CUL1: variants seen among roughly 807,000 people sequenced by gnomAD.
CUL1 encodes cullin-1.
In CUL1, 24 loss-of-function variants were observed where a neutral mutation model predicts 118.0. The observed-to-expected ratio is 0.20, with a 90% CI of 0.15 to 0.29. CUL1 has a LOEUF of 0.29. CUL1 is among the 10% of genes least tolerant of loss of function. CUL1 has a pLI of 1.00. For synonymous variants in CUL1, 332 were observed against 340.4 expected, an observed-to-expected ratio of 0.98 and a Z score of 0.27; for missense variants, 361 against 933.8, an observed-to-expected ratio of 0.39 and a Z score of 7.99.
chr7:148,794,511 G>A (rs1010360983), intron 17 of CUL1, among the ~76,000 whole-genome samples: 7 of 152,080 alleles, frequency 4.6e-5, no homozygotes, highest in South Asian at 2.1e-4. Flanking sequence ...CCCTAACTTC[G>A]TTTTATTTTC....
At chr7:148,781,168 A>G (rs922644930) in intron 9 of CUL1, among the ~76,000 whole-genome samples, 1 of 136,080 alleles carries the variant, frequency 7.3e-6, no homozygotes, top group South Asian at 2.3e-4. Flanking sequence ...TGCATCCTCC[A>G]TCTCCCGGTT....
intron 1 of CUL1, among the ~76,000 whole-genome samples, chr7:148,725,197 G>GCACACACACACA (rs1563150959): frequency 7.2e-6 from 1 of 137,986 alleles, no homozygotes; most frequent in African/African-American, 3.1e-5. Flanking sequence ...ATGCGCGCGT[G>GCACACACACACA]TACACACACA....
chr7:148,744,179 C>T (rs559650505), intron 2 of CUL1, among the ~76,000 whole-genome samples: 3 of 152,184 alleles, frequency 2.0e-5, no homozygotes, highest in East Asian at 1.9e-4. Context: ...ACATATAGAG[C>T]GGTCTTGCTG....
chr7:148,777,162 G>A (rs139949080), intron 9 of CUL1, among the ~76,000 whole-genome samples: 176 of 152,266 alleles, frequency 1.2e-3, no homozygotes, highest in Non-Finnish European at 1.7e-3. Context: ...ACCAGGGGGC[G>A]TAACCAAGGC....
chr7:148,792,865 G>T (rs772246626), intron 17 of CUL1, 47 bp downstream of exon 17: 26 of 1,355,608 alleles, frequency 1.9e-5, no homozygotes, highest in Non-Finnish European at 2.5e-5. Flanking sequence ...CCGTTTCCTT[G>T]TTCTCGTGGA....
In CUL1 at chr7:148,790,383, A is replaced by G; in HGVS notation, c.1748A>G (p.Tyr583Cys). The G allele has an allele frequency of 1.2e-6, 2 of 1,614,122 alleles. No individual in the cohort carries two copies. The highest frequency in any genetic ancestry group is 1.7e-6 in the Non-Finnish European group (2 of 1,179,948). ...RHSGRKLTWLYQLSKGELVTN... is the reference protein window; with the variant it reads ...RHSGRKLTWLCQLSKGELVTN... ...AGTGGCCGAAAATTGACGTGGTTAT[A>G]TCAGTTGTCTAAAGGAGAATTGGTA... The change falls in exon 16 of 22, where the codon TAT becomes TGT. Residue 583 changes from tyrosine to cysteine, a missense_variant. By Grantham distance (194) the Tyr-to-Cys change is radical (BLOSUM62 -2). Coordinates refer to ENST00000325222, the MANE Select transcript of CUL1 (RefSeq NM_003592.3).
intron 1 of CUL1, among the ~76,000 whole-genome samples, chr7:148,723,507 G>C (rs547264626): frequency 2.0e-5 from 3 of 152,212 alleles, no homozygotes; most frequent in Admixed American, 2.0e-4. Context: ...ATATTTATCA[G>C]ATAGGTACAT....
At chr7:148,733,652 G>A (rs747228543) in intron 2 of CUL1, among the ~76,000 whole-genome samples, 1 of 150,816 alleles carries the variant, frequency 6.6e-6, no homozygotes, top group African/African-American at 2.5e-5. Context: ...TTGGACCGGG[G>A]AAGAAGGAGC....
At chr7:148,745,966 G>A (rs1456174624) in intron 2 of CUL1, among the ~76,000 whole-genome samples, 1 of 152,168 alleles carries the variant, frequency 6.6e-6, no homozygotes, top group Non-Finnish European at 1.5e-5. Context: ...TAATGGTGAG[G>A]AGTGATGCTG....
chr7:148,699,290 T>C (rs1027434889), intron 1 of CUL1, among the ~76,000 whole-genome samples: 1 of 151,004 alleles, frequency 6.6e-6, no homozygotes, highest in Non-Finnish European at 1.5e-5. Context: ...CGGCCAGGCC[T>C]GGACTACGCA....
intron 1 of CUL1, among the ~76,000 whole-genome samples, chr7:148,710,632 A>G (rs1798019746): frequency 6.6e-6 from 1 of 151,940 alleles, no homozygotes; most frequent in African/African-American, 2.4e-5. Context: ...TCATAAGTGA[A>G]GCTGATGCTA....
At chr7:148,725,207 A>ACGCGCGCGCGCGCG (rs1263565835) in intron 1 of CUL1, among the ~76,000 whole-genome samples, 4 of 107,644 alleles carry the variant, frequency 3.7e-5, no homozygotes, top group African/African-American at 1.3e-4. Flanking sequence ...GTACACACAC[A>ACGCGCGCGCGCGCG]CACACGCGCG....
chr7:148,778,089 AAAAAAAAAGAAG>A (rs1452949885), intron 9 of CUL1, among the ~76,000 whole-genome samples: 2 of 131,482 alleles, frequency 1.5e-5, no homozygotes, highest in East Asian at 4.1e-4. Context: ...AAAAAAAAAA[AAAAAAAAAGAAG>A]AAGAAGAAGA....
intron 1 of CUL1, among the ~76,000 whole-genome samples, chr7:148,714,126 A>G (rs1190119147): frequency 6.6e-6 from 1 of 152,236 alleles, no homozygotes; most frequent in Non-Finnish European, 1.5e-5. Context: ...TATTCTTTAT[A>G]GCAATTCTGA....
At chr7:148,754,193 TA>T in intron 3 of CUL1, 43 bp downstream of exon 3, 9 of 1,290,868 alleles carry the variant, frequency 7.0e-6, no homozygotes, top group East Asian at 2.5e-5. Flanking sequence ...TAACAGGATA[TA>T]AAAAAAGTGA....
At chr7:148,702,633 C>T (rs540123034) in intron 1 of CUL1, among the ~76,000 whole-genome samples, 33 of 152,246 alleles carry the variant, frequency 2.2e-4, no homozygotes, top group Non-Finnish European at 1.5e-4. Flanking sequence ...GTGTTGACTC[C>T]ATGCTTCAGC....
chr7:148,781,377 G>A (rs374560205), intron 9 of CUL1, among the ~76,000 whole-genome samples: 4 of 152,076 alleles, frequency 2.6e-5, no homozygotes, highest in African/African-American at 9.7e-5. Flanking sequence ...CACCGCGCCC[G>A]GCCAAGGCCA....
chr7:148,719,984 A>G (rs2129459281), intron 1 of CUL1, among the ~76,000 whole-genome samples: 1 of 152,350 alleles, frequency 6.6e-6, no homozygotes, highest in South Asian at 2.1e-4. Context: ...TGTGAAACGT[A>G]GCTTGTACAT....
At chr7:148,731,037 A>G (rs367590231) in intron 2 of CUL1, among the ~76,000 whole-genome samples, 31 of 152,210 alleles carry the variant, frequency 2.0e-4, no homozygotes, top group African/African-American at 7.2e-4. Flanking sequence ...CTGTGGCCCT[A>G]TTTTTTAAAG....
Sources: gnomAD v4.1 joint callset for allele counts (sites outside exome capture counted in the v4.1 genomes callset) on GRCh38, gnomAD v4.1.1 for gene constraint, MANE v1.5 for transcripts, NCBI Gene and HGNC (gene_info 2026-07-23, HGNC 2026-07-21) for gene names.